Variants in NCOR1 observed in about 807,000 individuals in gnomAD.
NCOR1 encodes protein phosphatase 1, regulatory subunit 109.
In NCOR1, 63 loss-of-function variants were observed where a neutral mutation model predicts 288.1. That is an observed-to-expected ratio of 0.22 (90% CI 0.18 to 0.27). The LOEUF (loss-of-function observed/expected upper bound fraction) is 0.27, where lower values mean the gene tolerates loss of function less well. Among genes scored for constraint, NCOR1 ranks in the 10% least tolerant of loss-of-function variants. The pLI, the probability that NCOR1 is intolerant of heterozygous loss-of-function variation, is 1.00. For synonymous variants in NCOR1, 1,007 were observed against 1,065.9 expected (o/e 0.94, Z 1.08); for missense variants, 2,397 against 3,019.2 (o/e 0.79, Z 4.83).
chr17:16,125,981 G>GTGA, intron 15 of NCOR1, 101 bp downstream of exon 15: 1 of 630,470 alleles, frequency 1.6e-6, no homozygotes, highest in Non-Finnish European at 2.5e-6. Context: ...TCACTACTAT[G>GTGA]CAATATATCC....
intron 40 of NCOR1, among the ~76,000 whole-genome samples, chr17:16,051,076 C>T (rs1011238860): frequency 5.9e-5 from 9 of 152,284 alleles, no homozygotes; most frequent in East Asian, 3.9e-4. Flanking sequence ...TGGCCTCAAG[C>T]GATCCTCTCG....
chr17:16,101,913 G>A, intron 19 of NCOR1, 156 bp from the exon 20 acceptor site: 4 of 918,986 alleles, frequency 4.4e-6, no homozygotes, highest in Non-Finnish European at 6.4e-6. Flanking sequence ...CTCCTTTGAT[G>A]ACCTCATTGA....
At chr17:16,041,568 C>T (rs1453745842) in intron 42 of NCOR1, among the ~76,000 whole-genome samples, 1 of 150,808 alleles carries the variant, frequency 6.6e-6, no homozygotes, top group African/African-American at 2.4e-5. Context: ...CCCCCCGCCA[C>T]CATGCCCAGC....
chr17:16,124,411 T>C (rs1227973345), intron 15 of NCOR1, among the ~76,000 whole-genome samples: 4 of 152,178 alleles, frequency 2.6e-5, no homozygotes, highest in African/African-American at 7.2e-5. Context: ...AGAAACTGAC[T>C]GCAAAGGAGC....
In NCOR1 at chr17:16,071,393, G is replaced by A; in HGVS notation, c.4152+16C>T. 1 of 1,603,094 alleles carries A rather than the reference G, an allele frequency of 6.2e-7. No individual in the cohort carries two copies. The highest frequency in any genetic ancestry group is 8.5e-7 in the Non-Finnish European group (1 of 1,174,632). On this transcript the variant is annotated intron_variant, in intron 30 of 45. Coordinates refer to ENST00000268712, the MANE Select transcript of NCOR1 (RefSeq NM_006311.4). ...TAAATATCAGTTACTGACAAAAAGA[G>A]CCAAAACTTAGTTACCTGGGAAATG...
At chr17:16,201,264 A>C (rs1291540932) in intron 1 of NCOR1, among the ~76,000 whole-genome samples, 1 of 152,222 alleles carries the variant, frequency 6.6e-6, no homozygotes, top group Non-Finnish European at 1.5e-5. Flanking sequence ...AATTTTAATA[A>C]GGATATAATT....
chr17:16,082,806 G>C (rs1472496025), intron 23 of NCOR1, among the ~76,000 whole-genome samples: 1 of 66,288 alleles, frequency 1.5e-5, no homozygotes, highest in African/African-American at 5.9e-5. Flanking sequence ...TCATTAAAAA[G>C]AACAAAATAG....
At chr17:16,213,308 C>T (rs1186211754) in intron 1 of NCOR1, among the ~76,000 whole-genome samples, 1 of 151,238 alleles carries the variant, frequency 6.6e-6, no homozygotes, top group African/African-American at 2.4e-5. Flanking sequence ...CTGGCTAACA[C>T]GGTGAAACCC....
chr17:16,065,105 G>T (rs1333534530), intron 33 of NCOR1, 86 bp from the exon 34 acceptor site: 29 of 1,211,570 alleles, frequency 2.4e-5, no homozygotes, highest in Non-Finnish European at 2.4e-5. Flanking sequence ...CTATCTCTGT[G>T]AATCAAGGGT....
At position 16,143,816 on chromosome 17, in the gene NCOR1, A is replaced by T; in HGVS notation, c.1083-120T>A. ...TTTTAACCAAGTTAAGAGAAGAAAC[A>T]TAAAATACTATTGAGTATATACTTT... On this transcript the variant is annotated intron_variant, in intron 10 of 45. Transcript: ENST00000268712. 4.5e-6 allele frequency: 3 copies of T among 664,152 alleles called. No individual in the cohort carries two copies. The South Asian group carries it at 6.1e-5, about 14-fold the overall frequency. The allele number at this position is 664,152 out of a possible 1,614,324, so 41.1% of individuals were successfully genotyped here. A position where few individuals can be genotyped will look rare whatever the true frequency, so the allele number is the denominator to read the frequency against.
chr17:16,127,574 T>TATACATATGTGCATATATGTATGTATAC (rs2074761259), intron 14 of NCOR1, among the ~76,000 whole-genome samples: 1 of 137,996 alleles, frequency 7.2e-6, no homozygotes, highest in Non-Finnish European at 1.5e-5. Context: ...TGTATGTATA[T>TATACATATGTGCATATATGTATGTATAC]ATACATATGT....
At position 16,070,519 on chromosome 17, in the gene NCOR1, G is replaced by C. The variant is rs2061622227; in HGVS notation, c.4159C>G (p.Pro1387Ala). The C allele has an allele frequency of 6.2e-7, 1 of 1,613,336 alleles. No individual in the cohort carries two copies. The highest frequency in any genetic ancestry group is 2.2e-5 in the East Asian group (1 of 44,880). The change falls in exon 31 of 46, where the codon CCA becomes GCA. Residue 1387 changes from proline (P) to alanine (A), a missense_variant. Physicochemically the swap from Pro to Ala is conservative, Grantham distance 27 (BLOSUM62 -1). Transcript: ENST00000268712. ...IIEGSISQGT[P>A]IKFDNNSGQS... The stretch of plus-strand genomic sequence containing the variant: ...CCTGAGTTGTTGTCAAACTTTATTG[G>C]TGTGCCCTAAAGGGAAAGAAACAAA...
chr17:16,213,466 T>A (rs1038751211), intron 1 of NCOR1, among the ~76,000 whole-genome samples: 1 of 114,842 alleles, frequency 8.7e-6, no homozygotes, highest in Non-Finnish European at 1.7e-5. Flanking sequence ...CACTCCAGCC[T>A]GGGTGACAGA....
intron 3 of NCOR1, among the ~76,000 whole-genome samples, chr17:16,174,828 G>A (rs1330438019): frequency 1.3e-5 from 2 of 152,024 alleles, no homozygotes; most frequent in African/African-American, 4.8e-5. Context: ...AAAACGATCT[G>A]GTAGTTTCTC....
intron 1 of NCOR1, 110 bp downstream of exon 1, chr17:16,215,252 C>T: frequency 2.6e-6 from 1 of 386,030 alleles, no homozygotes; most frequent in East Asian, 3.7e-5. Context: ...TGCGACACCC[C>T]CCGCCCGGCG....
Position 16,064,100 on chromosome 17 carries a change from G to A in NCOR1, c.5189C>T (p.Ala1730Val). 6.2e-7 allele frequency: 1 copy of A among 1,614,138 alleles called. No individual in the cohort carries two copies. The highest frequency in any genetic ancestry group is 8.5e-7 in the Non-Finnish European group (1 of 1,180,030). The change falls in exon 35 of 46, where the codon GCT becomes GTT. Residue 1730 changes from alanine (A) to valine (V), a missense_variant. Physicochemically the swap from Ala to Val is moderately conservative, Grantham distance 64. Transcript: ENST00000268712. Reference sequence around the variant, plus strand: ...CAGGTAGAGGTCGGAGGAAGCTGCAGCAATCCGTTCCCGCTCCCGCTCCTT... The same window carrying A: ...CAGGTAGAGGTCGGAGGAAGCTGCAACAATCCGTTCCCGCTCCCGCTCCTT... Reference protein sequence around the residue: ...REKERERERIAAASSDLYLRP... With the variant: ...REKERERERIVAASSDLYLRP...
chr17:16,214,258 C>G lies in NCOR1; in HGVS notation c.-71+1104G>C, dbSNP rs574359164. Among the ~76,000 whole-genome samples, 189 of 152,292 alleles carry G rather than the reference C, an allele frequency of 1.2e-3. 2 individuals carry two copies. In the Middle Eastern group the frequency reaches 0.024, roughly 19 times the overall value. On this transcript the variant is annotated intron_variant, in intron 1 of 45. Transcript: ENST00000268712. ...TTTTAAAAAGCTATTAAAAATTAAA[C>G]GATGCCATCAACTCTTCAGTTATCC... is the stretch of plus-strand genomic sequence containing the variant.
chr17:16,064,788 C>G (rs1285457523), intron 34 of NCOR1, 82 bp downstream of exon 34: 1 of 1,348,120 alleles, frequency 7.4e-7, no homozygotes, highest in African/African-American at 1.5e-5. Flanking sequence ...GGAAAAATTG[C>G]CCAAGATACC....
rs1319298384 is a variant in NCOR1 at position 16,127,442 on chromosome 17, T to TATAC, written c.1510-1237_1510-1236insGTAT. ...ATACATGTGTATATGTGTATGTATA[T>TATAC]ATGTGTATATGTATATATACGTGTA... On this transcript the variant is annotated intron_variant, in intron 14 of 45. Transcript: ENST00000268712. 4.1e-5 allele frequency among the ~76,000 whole-genome samples: 6 copies of TATAC among 147,376 alleles called. 1 individual carries two copies. Among genetic ancestry groups the TATAC allele is most frequent in the African/African-American group, 1.5e-4 (6 of 40,550 alleles).
Sources: allele counts gnomAD v4.1 joint callset (sites outside exome capture counted in the v4.1 genomes callset), GRCh38; gene constraint gnomAD v4.1.1; transcripts MANE v1.5; gene names NCBI Gene and HGNC (gene_info 2026-07-23, HGNC 2026-07-21).